JCAD: variants seen among roughly 807,000 people sequenced by gnomAD.
JCAD encodes the protein junctional cadherin 5-associated protein.
A neutral mutation model predicts 98.0 loss-of-function variants in JCAD; 40 were observed. The ratio of observed to expected loss-of-function variants is 0.41; its 90% CI spans 0.32 to 0.53. The LOEUF (loss-of-function observed/expected upper bound fraction) is 0.53. Ranked by LOEUF, JCAD falls within the 20% of genes least tolerant of loss-of-function variation. JCAD has a pLI of 0.31. For missense variants in JCAD, 1,705 were observed against 1,738.1 expected (o/e 0.98, Z 0.34); for synonymous variants, 691 against 682.3 (o/e 1.01, Z -0.20).
chr10:30,039,456 T>C (rs534227377), intron 2 of JCAD, among the ~76,000 whole-genome samples: 2 of 152,156 alleles, frequency 1.3e-5, no homozygotes, highest in Admixed American at 1.3e-4. Flanking sequence ...GACAGAATCC[T>C]TCCTTTTGAG....
At chr10:30,031,848 G>A (rs1316789793) in intron 2 of JCAD, among the ~76,000 whole-genome samples, 7 of 139,910 alleles carry the variant, frequency 5.0e-5, no homozygotes, top group Admixed American at 7.7e-5. Flanking sequence ...TCCGCCTCCC[G>A]TGTTCACGCC....
In JCAD at chr10:30,069,542, C is replaced by T. The variant is rs911203775; in HGVS notation, n.250+158G>A. On this transcript the variant is annotated intron_variant and non_coding_transcript_variant, in intron 2 of 2. Transcript: ENST00000465712. Reference sequence around the variant, plus strand: ...CAGAGGTTGCAGTGAGCTGAGATCACACCACTGCACTCCAGCCTGGGCGAC... The same window carrying T: ...CAGAGGTTGCAGTGAGCTGAGATCATACCACTGCACTCCAGCCTGGGCGAC... Among the ~76,000 whole-genome samples the T allele has an allele frequency of 5.9e-5, 9 of 151,372 alleles. No homozygotes were observed. In the East Asian group the frequency reaches 1.8e-3, roughly 29 times the overall value.
chr10:30,050,969 A>G (rs1802655341), intron 1 of JCAD, among the ~76,000 whole-genome samples: 1 of 152,226 alleles, frequency 6.6e-6, no homozygotes, highest in South Asian at 2.1e-4. Flanking sequence ...TTCACAAGAA[A>G]ACTGAGGCTG....
chr10:30,021,359 T>C (rs1329773175), intron 3 of JCAD, among the ~76,000 whole-genome samples: 6 of 152,134 alleles, frequency 3.9e-5, no homozygotes, highest in Non-Finnish European at 8.8e-5. Context: ...CTACCAAGCC[T>C]AATTTTGTTT....
At chr10:30,110,068 G>A (rs970249289) in intron 1 of JCAD, among the ~76,000 whole-genome samples, 1 of 151,922 alleles carries the variant, frequency 6.6e-6, no homozygotes, top group Non-Finnish European at 1.5e-5. Flanking sequence ...TGGACCAATT[G>A]ATGTATAAAC....
In JCAD at chr10:30,014,032, G is replaced by C. The variant is rs1161897180; in HGVS notation, c.*3851C>G. Reference sequence around the variant, plus strand: ...TTTCCAACAAAACCTGCAGGCTGGAGGCCATTCTTCCTTTAATGTTATTTT... The same window carrying C: ...TTTCCAACAAAACCTGCAGGCTGGACGCCATTCTTCCTTTAATGTTATTTT... On this transcript the variant is annotated 3_prime_UTR_variant, in exon 4 of 4. Coordinates refer to ENST00000375377, the MANE Select transcript of JCAD (RefSeq NM_020848.4). 3 of 152,154 alleles carry C rather than the reference G, an allele frequency of 2.0e-5. No homozygotes were observed. Among genetic ancestry groups the C allele is most frequent in the Non-Finnish European group, 4.4e-5 (3 of 68,048 alleles). The allele number at this position is 152,154 out of a possible 1,614,324, so 9.4% of individuals were successfully genotyped here. A position where few individuals can be genotyped will look rare whatever the true frequency, so the allele number is the denominator to read the frequency against.
chr10:30,027,249 C>A lies in JCAD; in HGVS notation c.2899G>T (p.Glu967Ter). The change falls in exon 3 of 4, where the codon GAG becomes TAG. Residue 967 changes from glutamate (E) to a stop codon, truncating the protein, a stop_gained. Transcript: ENST00000375377. LOFTEE classifies it high-confidence loss of function. ...ACAGGAAATGGGCTACCTGCCAGCT[C>A]GTCCATTCCGTTGCTAACCTCCAGG... ...RHLEVSNGMD[E>*]LAGSPFPVTR... 6.2e-7 allele frequency: 1 copy of A among 1,614,228 alleles called. No homozygotes were observed. The highest frequency in any genetic ancestry group is 1.7e-5 in the Admixed American group (1 of 60,036).
intron 1 of JCAD, among the ~76,000 whole-genome samples, chr10:30,082,682 T>G (rs1191326947): frequency 6.6e-6 from 1 of 151,782 alleles, no homozygotes; most frequent in Non-Finnish European, 1.5e-5. Flanking sequence ...AGAAACCCCA[T>G]CTGTACTAAA....
intron 1 of JCAD, among the ~76,000 whole-genome samples, chr10:30,104,387 A>G (rs1047863529): frequency 6.6e-6 from 1 of 152,238 alleles, no homozygotes; most frequent in Non-Finnish European, 1.5e-5. Context: ...ATGGAACACT[A>G]TGCAGCCATA....
intron 1 of JCAD, among the ~76,000 whole-genome samples, chr10:30,086,064 C>G (rs906915558): frequency 2.6e-5 from 4 of 151,894 alleles, no homozygotes; most frequent in African/African-American, 2.4e-5. Context: ...CTTTTGTCAG[C>G]ATTAAACTAT....
chr10:30,089,205 C>T (rs774677123), intron 1 of JCAD, among the ~76,000 whole-genome samples: 2 of 152,072 alleles, frequency 1.3e-5, no homozygotes, highest in Admixed American at 6.6e-5. Flanking sequence ...ATCAAGATTT[C>T]GTCCTCTGCA....
chr10:30,037,855 G>A (rs552352076), intron 2 of JCAD, among the ~76,000 whole-genome samples: 2 of 150,568 alleles, frequency 1.3e-5, no homozygotes, highest in East Asian at 2.0e-4. Context: ...CCCTGAAGTC[G>A]CAGTTCCTCC....
intron 2 of JCAD, among the ~76,000 whole-genome samples, chr10:30,034,359 A>G (rs1046970743): frequency 2.6e-5 from 4 of 152,152 alleles, no homozygotes; most frequent in African/African-American, 9.7e-5. Context: ...TCCAAAATCA[A>G]TCTGAGGTAA....
At chr10:30,057,980 C>T (rs1051489042) in intron 1 of JCAD, among the ~76,000 whole-genome samples, 1 of 152,134 alleles carries the variant, frequency 6.6e-6, no homozygotes, top group Non-Finnish European at 1.5e-5. Context: ...CTTGCTTTGC[C>T]GGGTGGTCTT....
chr10:30,023,583 G>A (rs554458091), intron 3 of JCAD, among the ~76,000 whole-genome samples: 4 of 152,214 alleles, frequency 2.6e-5, no homozygotes, highest in South Asian at 2.1e-4. Context: ...ATTAAGCGAC[G>A]CATGACTGTA....
At position 30,027,353 on chromosome 10, in the gene JCAD, G is replaced by C; in HGVS notation, c.2795C>G (p.Pro932Arg). 6.2e-7 allele frequency: 1 copy of C among 1,611,448 alleles called. No homozygotes were observed. Among genetic ancestry groups the C allele is most frequent in the Non-Finnish European group, 8.5e-7 (1 of 1,180,024 alleles). Reference sequence around the variant, plus strand: ...ACCTTCTTCCACGCGAAAGCGGCCCGGGGATGGAGGCCAGGCACGTGGGTG... The same window carrying C: ...ACCTTCTTCCACGCGAAAGCGGCCCCGGGATGGAGGCCAGGCACGTGGGTG... ...PGHPRAWPPS[P>R]GRFRVEEGGG... The change falls in exon 3 of 4, where the codon CCG (proline) becomes CGG (arginine). Residue 932 changes from proline to arginine, a missense_variant. Pro to Arg is a moderately radical substitution (Grantham distance 103). This residue lies in a region of JCAD where 1,278 missense variants were observed against 1,243.1 expected (regional missense o/e 1.03). Coordinates refer to ENST00000375377, the MANE Select transcript of JCAD (RefSeq NM_020848.4).
chr10:30,104,511 G>A (rs1838532260), intron 1 of JCAD, among the ~76,000 whole-genome samples: 1 of 152,168 alleles, frequency 6.6e-6, no homozygotes, highest in Admixed American at 6.5e-5. Context: ...ATAAGTGGGA[G>A]CTAAACATTG....
Position 30,028,407 on chromosome 10 carries a change from A to T in JCAD, c.1741T>A (p.Cys581Ser), listed in dbSNP as rs1183168906. 5.0e-6 allele frequency: 8 copies of T among 1,614,228 alleles called. No homozygotes were observed. Among genetic ancestry groups the T allele is most frequent in the Non-Finnish European group, 5.9e-6 (7 of 1,180,052 alleles). ...SKKKMNETIF[C>S]LVSIPVKSES... ...GATTTCACTGGGATAGAAACCAAGC[A>T]AAATATAGTCTCGTTCATTTTTTTC... is the stretch of plus-strand genomic sequence containing the variant. Residue 581 changes from cysteine (C) to serine (S), a missense_variant, in exon 3 of 4, where the codon TGC becomes AGC. By Grantham distance (112) the Cys-to-Ser change is moderately radical. This residue lies in a region of JCAD where 1,278 missense variants were observed against 1,243.1 expected (regional missense o/e 1.03). Transcript: ENST00000375377.
At chr10:30,035,716 T>A (rs1165821235) in intron 2 of JCAD, among the ~76,000 whole-genome samples, 2 of 152,226 alleles carry the variant, frequency 1.3e-5, no homozygotes, top group African/African-American at 4.8e-5. Flanking sequence ...TAAAAGACAT[T>A]AACAATGGCA....
Sources: gnomAD v4.1 joint callset for allele counts (sites outside exome capture counted in the v4.1 genomes callset) on GRCh38, gnomAD v4.1.1 for gene constraint, gnomAD v4.1.1 regional missense constraint, MANE v1.5 for transcripts, NCBI Gene and HGNC (gene_info 2026-07-23, HGNC 2026-07-21) for gene names.